Variants in OSBPL8 observed in about 807,000 individuals in gnomAD.
The protein encoded by OSBPL8 is oxysterol binding protein like 8.
OSBPL8 carries 59 observed loss-of-function variants against 125.5 expected under a neutral mutation model. The ratio of observed to expected loss-of-function variants is 0.47; its 90% CI spans 0.38 to 0.58. OSBPL8 has a LOEUF of 0.58. OSBPL8 is among the 20% of genes least tolerant of loss of function. The pLI is 0.00. For missense variants in OSBPL8, 758 were observed against 1,047.8 expected (o/e 0.72, Z 3.82); for synonymous variants, 330 against 338.9 (o/e 0.97, Z 0.29).
At chr12:76,378,700 C>T (rs1193787014) in intron 15 of OSBPL8, 150 bp from the exon 16 acceptor site, 5 of 593,944 alleles carry the variant, frequency 8.4e-6, no homozygotes, top group African/African-American at 3.8e-5. Flanking sequence ...TATTCATTAC[C>T]TTATATCCAA....
intron 10 of OSBPL8, among the ~76,000 whole-genome samples, chr12:76,391,099 T>C: frequency 6.6e-6 from 1 of 151,714 alleles, no homozygotes; most frequent in African/African-American, 2.4e-5. Context: ...AAATAAATTA[T>C]GACTTTCCAC....
At chr12:76,516,441 G>A (rs770233385) in intron 1 of OSBPL8, among the ~76,000 whole-genome samples, 1 of 152,252 alleles carries the variant, frequency 6.6e-6, no homozygotes, top group East Asian at 1.9e-4. Flanking sequence ...CGTATTATAA[G>A]TATTCAGCTC....
chr12:76,378,156 C>T (rs567754631), intron 16 of OSBPL8, among the ~76,000 whole-genome samples: 3 of 152,034 alleles, frequency 2.0e-5, no homozygotes, highest in Admixed American at 1.3e-4. Flanking sequence ...AAATAATAGA[C>T]GGTTTTGTCA....
At chr12:76,368,452 T>C (rs915521566) in intron 21 of OSBPL8, among the ~76,000 whole-genome samples, 5 of 145,434 alleles carry the variant, frequency 3.4e-5, no homozygotes, top group Non-Finnish European at 6.2e-5. Flanking sequence ...AATTTGGGGA[T>C]TGGGGGGTCT....
At chr12:76,478,912 C>T (rs781486664) in intron 2 of OSBPL8, among the ~76,000 whole-genome samples, 11 of 152,018 alleles carry the variant, frequency 7.2e-5, no homozygotes, top group African/African-American at 1.9e-4. Flanking sequence ...GGTGAAACTC[C>T]GTCTCTACTA....
At chr12:76,382,931 G>A (rs1356242531) in intron 15 of OSBPL8, among the ~76,000 whole-genome samples, 1 of 152,128 alleles carries the variant, frequency 6.6e-6, no homozygotes, top group Non-Finnish European at 1.5e-5. Context: ...GCTGTGTACT[G>A]TAGTTACATG....
At position 76,369,674 on chromosome 12, in the gene OSBPL8, C is replaced by G; in HGVS notation, c.2203G>C (p.Asp735His). Residue 735 changes from aspartate (D) to histidine (H), a missense_variant, in exon 20 of 24, where the codon GAT becomes CAT. Around this residue, in one of 3 missense-constraint regions of OSBPL8, gnomAD observed 572 missense variants for 762.0 expected, o/e 0.75. Coordinates refer to ENST00000261183, the MANE Select transcript of OSBPL8 (RefSeq NM_020841.5). The stretch of plus-strand genomic sequence containing the variant: ...TAATGCCATTCTCCTGTGAGTGGAT[C>G]AAGTTCAAATAATTTGCAAGACCAC... Reference protein sequence around the residue: ...EEWSCKLFELDPLTGEWHYKF... With the variant: ...EEWSCKLFELHPLTGEWHYKF... 3 of 1,613,656 alleles carry G rather than the reference C, an allele frequency of 1.9e-6. No homozygotes were observed. Among genetic ancestry groups the G allele is most frequent in the East Asian group, 2.2e-5 (1 of 44,858 alleles).
At chr12:76,423,539 C>T (rs1869771742) in intron 4 of OSBPL8, among the ~76,000 whole-genome samples, 1 of 152,058 alleles carries the variant, frequency 6.6e-6, no homozygotes, top group Non-Finnish European at 1.5e-5. Flanking sequence ...TTTTTAAAAG[C>T]AACTTTATTA....
At chr12:76,459,415 A>G (rs1032996727) in intron 3 of OSBPL8, among the ~76,000 whole-genome samples, 2 of 152,228 alleles carry the variant, frequency 1.3e-5, no homozygotes, top group Non-Finnish European at 2.9e-5. Context: ...AAGGTAAAAC[A>G]TGTTTCACTT....
At chr12:76,451,245 T>C (rs1272777175) in intron 3 of OSBPL8, among the ~76,000 whole-genome samples, 1 of 152,094 alleles carries the variant, frequency 6.6e-6, no homozygotes, top group South Asian at 2.1e-4. Flanking sequence ...CATATCCAAC[T>C]GATAATGAAA....
chr12:76,549,609 G>C (rs1950880016), intron 1 of OSBPL8, among the ~76,000 whole-genome samples: 1 of 151,988 alleles, frequency 6.6e-6, no homozygotes. Context: ...CACTATGTTG[G>C]CCAGGCTGGT....
intron 7 of OSBPL8, among the ~76,000 whole-genome samples, chr12:76,399,338 A>C (rs1382419360): frequency 2.6e-5 from 4 of 152,194 alleles, no homozygotes; most frequent in Middle Eastern, 3.2e-3. Flanking sequence ...GATAAGAATG[A>C]GAAAGAGGAT....
intron 4 of OSBPL8, among the ~76,000 whole-genome samples, chr12:76,432,626 C>A (rs1237554722): frequency 6.6e-6 from 1 of 151,916 alleles, no homozygotes; most frequent in African/African-American, 2.4e-5. Context: ...TACCATTATA[C>A]TTCAAGTAAC....
At chr12:76,363,461 A>G (rs1952287352) in intron 21 of OSBPL8, among the ~76,000 whole-genome samples, 2 of 152,244 alleles carry the variant, frequency 1.3e-5, no homozygotes, top group African/African-American at 4.8e-5. Flanking sequence ...AGCCATATGC[A>G]GAAAACTGAA....
chr12:76,486,872 CAA>C (rs1313330272), intron 2 of OSBPL8, among the ~76,000 whole-genome samples: 3 of 151,922 alleles, frequency 2.0e-5, no homozygotes, highest in African/African-American at 4.8e-5. Context: ...TCACTTAAGA[CAA>C]AGAGGTTTTG....
intron 4 of OSBPL8, among the ~76,000 whole-genome samples, chr12:76,441,981 TACATA>T (rs747464359): frequency 7.2e-4 from 109 of 152,280 alleles, no homozygotes; most frequent in Non-Finnish European, 9.0e-4. Flanking sequence ...CTCGAGGAAA[TACATA>T]ACATATTTTC....
chr12:76,407,313 G>A (rs528925997), intron 5 of OSBPL8, among the ~76,000 whole-genome samples: 9 of 152,106 alleles, frequency 5.9e-5, no homozygotes, highest in African/African-American at 7.2e-5. Flanking sequence ...GTGCAGTGGC[G>A]CAAACATGGC....
At chr12:76,460,521 T>C (rs1350751955) in intron 2 of OSBPL8, among the ~76,000 whole-genome samples, 1 of 149,392 alleles carries the variant, frequency 6.7e-6, no homozygotes, top group Non-Finnish European at 1.5e-5. Flanking sequence ...AAGAGAAACA[T>C]TAATTAGAAA....
intron 2 of OSBPL8, 69 bp from the exon 3 acceptor site, chr12:76,459,964 G>A (rs1055181391): frequency 2.7e-6 from 4 of 1,481,024 alleles, no homozygotes; most frequent in Admixed American, 3.3e-5. Flanking sequence ...AATGCATCAG[G>A]ACGGAAACAG....
Sources: allele counts gnomAD v4.1 joint callset (sites outside exome capture counted in the v4.1 genomes callset), GRCh38; gene constraint gnomAD v4.1.1; regional missense constraint gnomAD v4.1.1; transcripts MANE v1.5; gene names NCBI Gene and HGNC (gene_info 2026-07-23, HGNC 2026-07-21).